Variants in MAP7 observed in about 807,000 individuals in gnomAD.
The protein encoded by MAP7 is microtubule associated protein 7.
In MAP7, 52 loss-of-function variants were observed where a neutral mutation model predicts 94.8. The ratio of observed to expected loss-of-function variants is 0.55; its 90% CI spans 0.44 to 0.69. The LOEUF (loss-of-function observed/expected upper bound fraction) is 0.69, where lower values mean the gene tolerates loss of function less well. MAP7 is among the 30% of genes least tolerant of loss of function. The pLI is 0.00. For synonymous variants in MAP7, 350 were observed against 357.0 expected (o/e 0.98, Z 0.22); for missense variants, 940 against 964.6 (o/e 0.97, Z 0.34).
intron 10 of MAP7, among the ~76,000 whole-genome samples, chr6:136,363,407 A>C (rs1793403142): frequency 6.6e-6 from 1 of 152,366 alleles, no homozygotes; most frequent in Admixed American, 6.5e-5. Context: ...AGCAAGTGCA[A>C]GCTCTGGCCC....
intron 1 of MAP7, among the ~76,000 whole-genome samples, chr6:136,522,694 C>G (rs1826745514): frequency 6.6e-6 from 1 of 152,174 alleles, no homozygotes; most frequent in African/African-American, 2.4e-5. Flanking sequence ...AAAAAATAAA[C>G]TGTATGTCAT....
intron 1 of MAP7, among the ~76,000 whole-genome samples, chr6:136,502,575 A>G (rs1175137379): frequency 6.6e-6 from 1 of 152,234 alleles, no homozygotes; most frequent in Non-Finnish European, 1.5e-5. Flanking sequence ...TGAATGTGGC[A>G]TTCCTGCAGA....
At chr6:136,485,609 C>CTGGA (rs1188264228) in intron 1 of MAP7, among the ~76,000 whole-genome samples, 1 of 134,230 alleles carries the variant, frequency 7.4e-6, no homozygotes, top group Non-Finnish European at 1.5e-5. Context: ...GTCGCCCAGG[C>CTGGA]TGGAGTGCAG....
chr6:136,361,416 C>G (rs543928676), intron 11 of MAP7, among the ~76,000 whole-genome samples: 1 of 152,368 alleles, frequency 6.6e-6, no homozygotes, highest in East Asian at 1.9e-4. Context: ...CCACCAATAT[C>G]TTGGGGAGAG....
rs539863864 is a variant in MAP7 at position 136,398,225 on chromosome 6, C to A, written c.245-8708G>T. ...CTTCATATGAACTTGGGCCCACCCCCAGTCTTGCCACTTACAAGCTATGTG... is the reference window on the plus strand; with the variant it reads ...CTTCATATGAACTTGGGCCCACCCCAAGTCTTGCCACTTACAAGCTATGTG... On this transcript the variant is annotated intron_variant, in intron 3 of 17. Transcript: ENST00000354570. Among the ~76,000 whole-genome samples the A allele has an allele frequency of 2.1e-4, 32 of 152,326 alleles. No individual in the cohort carries two copies. In the South Asian group the frequency reaches 4.4e-3, roughly 21 times the overall value.
chr6:136,512,911 A>C (rs1562477786), intron 1 of MAP7, among the ~76,000 whole-genome samples: 1 of 151,352 alleles, frequency 6.6e-6, no homozygotes, highest in Admixed American at 6.6e-5. Flanking sequence ...AGGTCACTGC[A>C]GTCTTGACCT....
intron 17 of MAP7, among the ~76,000 whole-genome samples, chr6:136,345,145 T>G (rs927744211): frequency 6.6e-6 from 1 of 152,206 alleles, no homozygotes; most frequent in Non-Finnish European, 1.5e-5. Context: ...ACCACTGAGT[T>G]AGTAATATTT....
chr6:136,448,348 A>G (rs1799983621), intron 1 of MAP7, among the ~76,000 whole-genome samples: 1 of 152,184 alleles, frequency 6.6e-6, no homozygotes, highest in African/African-American at 2.4e-5. Flanking sequence ...TTATTAAACA[A>G]ACAAACAAAC....
rs1419104705 is a variant in MAP7 at position 136,360,847 on chromosome 6, C to G, written c.1702-49G>C. 2.5e-6 allele frequency: 4 copies of G among 1,600,522 alleles called. 1 individual carries two copies. In the Middle Eastern group the frequency reaches 5.3e-4, roughly 210 times the overall value. ...GCCTCTGACAAACAGGCGGGCTGCCCGGGTCTCCCAGGGGGTGCCCAGAGG... is the reference window on the plus strand; with the variant it reads ...GCCTCTGACAAACAGGCGGGCTGCCGGGGTCTCCCAGGGGGTGCCCAGAGG... On this transcript the variant is annotated intron_variant, in intron 12 of 17. Transcript: ENST00000354570.
intron 1 of MAP7, among the ~76,000 whole-genome samples, chr6:136,540,601 C>A (rs1453226139): frequency 6.6e-6 from 1 of 152,138 alleles, no homozygotes; most frequent in Non-Finnish European, 1.5e-5. Context: ...TAAGAGACAA[C>A]CTGAGTAAAC....
chr6:136,360,651 G>A lies in MAP7; in HGVS notation c.1803+46C>T, dbSNP rs571227469. The A allele has an allele frequency of 2.0e-5, 31 of 1,555,642 alleles. No homozygotes were observed. The South Asian group carries it at 2.9e-4, about 15-fold the overall frequency. On this transcript the variant is annotated intron_variant, in intron 13 of 17. Coordinates refer to ENST00000354570, the MANE Select transcript of MAP7 (RefSeq NM_003980.6). ...GGCCAGGGCTAGTCTCTGGGTCTTA[G>A]AGGTGCAAGTTCGCGTCCCGGGCCT...
At chr6:136,348,011 GC>G (rs58157708) in intron 16 of MAP7, among the ~76,000 whole-genome samples, 13,378 of 136,608 alleles carry the variant, frequency 0.098, 1,279 homozygotes, top group African/African-American at 0.24. Context: ...ATGTGCACAT[GC>G]CCCCCCCCCC....
chr6:136,549,587 T>A lies in MAP7; in HGVS notation c.67+755A>T, dbSNP rs530317834. Among the ~76,000 whole-genome samples, 11 of 151,678 alleles carry A rather than the reference T, an allele frequency of 7.3e-5. No individual in the cohort carries two copies. In the East Asian group the frequency reaches 1.4e-3, roughly 19 times the overall value. On this transcript the variant is annotated intron_variant, in intron 1 of 17. Transcript: ENST00000354570. ...GCCCCTGGAGGTTGTGGGGGAGGGG[T>A]ATCCTCAACACAGAGGCCTGACCAC...
chr6:136,437,516 A>G (rs1796693362), intron 1 of MAP7, among the ~76,000 whole-genome samples: 1 of 152,222 alleles, frequency 6.6e-6, no homozygotes, highest in South Asian at 2.1e-4. Flanking sequence ...TACAGGCACC[A>G]TCTATGCTGG....
chr6:136,420,962 A>C (rs1196423378), intron 2 of MAP7, among the ~76,000 whole-genome samples: 1 of 152,216 alleles, frequency 6.6e-6, no homozygotes, highest in Non-Finnish European at 1.5e-5. Flanking sequence ...GTAGGTTTCC[A>C]AGAACCTCAT....
Position 136,391,778 on chromosome 6 carries a change from T to C in MAP7, c.245-2261A>G, listed in dbSNP as rs1314430604. ...TTTAAAAGTTAAGAGAAGTAGAACA[T>C]AATTCTGATACTTTCTTAAGATGCA... On this transcript the variant is annotated intron_variant, in intron 3 of 17. Coordinates refer to ENST00000354570, the MANE Select transcript of MAP7 (RefSeq NM_003980.6). Among the ~76,000 whole-genome samples, 6 of 151,872 alleles carry C rather than the reference T, an allele frequency of 4.0e-5. No homozygotes were observed. In the South Asian group the frequency reaches 6.2e-4, roughly 16 times the overall value.
At chr6:136,515,583 AT>A (rs2129039018) in intron 1 of MAP7, among the ~76,000 whole-genome samples, 1 of 152,322 alleles carries the variant, frequency 6.6e-6, no homozygotes, top group South Asian at 2.1e-4. Context: ...AGTTAACTTC[AT>A]TTCAAAATTG....
chr6:136,357,804 C>T (rs928489475), intron 15 of MAP7, among the ~76,000 whole-genome samples: 2 of 152,170 alleles, frequency 1.3e-5, no homozygotes, highest in Non-Finnish European at 2.9e-5. Context: ...GAAATAATTT[C>T]AAGACAATGT....
chr6:136,430,070 C>CA (rs1378287093), intron 1 of MAP7, among the ~76,000 whole-genome samples: 1 of 152,166 alleles, frequency 6.6e-6, no homozygotes, highest in Non-Finnish European at 1.5e-5. Flanking sequence ...AATGGTAAAT[C>CA]AGAGACTGTA....
Sources: gnomAD v4.1 joint callset for allele counts (sites outside exome capture counted in the v4.1 genomes callset) on GRCh38, gnomAD v4.1.1 for gene constraint, MANE v1.5 for transcripts, NCBI Gene and HGNC (gene_info 2026-07-23, HGNC 2026-07-21) for gene names.